Variants in ASAP2 observed in about 807,000 individuals in gnomAD.
The protein encoded by ASAP2 is arf-GAP with SH3 domain, ANK repeat and PH domain-containing protein 2.
Under a neutral mutation model 131.4 loss-of-function variants are expected in ASAP2, and 45 were observed. The ratio of observed to expected loss-of-function variants is 0.34; its 90% confidence interval spans 0.27 to 0.44. The LOEUF (loss-of-function observed/expected upper bound fraction) is 0.44, where lower values mean the gene tolerates loss of function less well. ASAP2 is among the 20% of genes least tolerant of loss of function. The pLI is 1.00. For synonymous variants in ASAP2, 510 were observed against 503.0 expected, an observed-to-expected ratio of 1.01 and a Z score of -0.19; for missense variants, 1,011 against 1,297.0, an observed-to-expected ratio of 0.78 and a Z score of 3.39.
Position 9,401,302 on chromosome 2 carries a change from C to T in ASAP2, c.2852C>T (p.Ala951Val). The T allele has an allele frequency of 1.2e-6, 2 of 1,613,542 alleles. No homozygotes were observed. The highest frequency in any genetic ancestry group is 1.7e-6 in the Non-Finnish European group (2 of 1,179,916). ...ATKLKPKRVK[A>V]LYNCVADNPD... ...AAGTTGAAGCCTAAGCGGGTGAAAG[C>T]GCTCTATAACTGTGTGGCTGACAAC... Residue 951 changes from alanine to valine, a missense_variant, in exon 27 of 28, where the codon GCG (alanine) becomes GTG (valine). Ala to Val is a moderately conservative substitution (Grantham distance 64, BLOSUM62 0). This residue lies in a region of ASAP2 where 652 missense variants were observed against 698.9 expected (regional missense o/e 0.93). Coordinates refer to ENST00000281419, the MANE Select transcript of ASAP2 (RefSeq NM_003887.3).
chr2:9,361,268 G>C (rs559843672), intron 15 of ASAP2, among the ~76,000 whole-genome samples: 15 of 152,284 alleles, frequency 9.9e-5, no homozygotes, highest in Admixed American at 7.8e-4. Flanking sequence ...AGGAAAAGTA[G>C]AGACAGCAGT....
At chr2:9,386,838 A>G (rs1304733429) in intron 21 of ASAP2, among the ~76,000 whole-genome samples, 1 of 152,214 alleles carries the variant, frequency 6.6e-6, no homozygotes, top group Admixed American at 6.5e-5. Flanking sequence ...ACCTAGTTTA[A>G]TGAAGCTGGC....
chr2:9,280,338 CA>C (rs1479390491), intron 2 of ASAP2, among the ~76,000 whole-genome samples: 1 of 152,122 alleles, frequency 6.6e-6, no homozygotes, highest in African/African-American at 2.4e-5. Context: ...TGGAAGTACA[CA>C]TTCCACCTGC....
chr2:9,308,609 A>T (rs550175384), intron 3 of ASAP2, among the ~76,000 whole-genome samples: 1 of 152,200 alleles, frequency 6.6e-6, no homozygotes, highest in South Asian at 2.1e-4. Context: ...GCCCAGCCTC[A>T]GCTTAGCTTA....
chr2:9,384,996 A>G (rs1321533293), intron 20 of ASAP2, among the ~76,000 whole-genome samples: 1 of 152,234 alleles, frequency 6.6e-6, no homozygotes, highest in Non-Finnish European at 1.5e-5. Flanking sequence ...GGGATTTGAG[A>G]GTTACGAGCC....
At chr2:9,338,661 G>A (rs1558344798) in intron 9 of ASAP2, among the ~76,000 whole-genome samples, 1 of 152,144 alleles carries the variant, frequency 6.6e-6, no homozygotes, top group Non-Finnish European at 1.5e-5. Context: ...CCCTAAGCCA[G>A]CACTCCACAA....
intron 1 of ASAP2, among the ~76,000 whole-genome samples, chr2:9,269,798 C>T (rs1666214230): frequency 6.6e-6 from 1 of 152,216 alleles, no homozygotes; most frequent in Non-Finnish European, 1.5e-5. Context: ...TGTGGCTACC[C>T]TGTTGGACAG....
chr2:9,245,432 G>GGT (rs1005521226), intron 1 of ASAP2, among the ~76,000 whole-genome samples: 2 of 152,086 alleles, frequency 1.3e-5, no homozygotes, highest in African/African-American at 4.8e-5. Context: ...AGGTGTGGAG[G>GGT]GTTCTATAAA....
At chr2:9,377,736 T>C (rs1466897344) in intron 18 of ASAP2, among the ~76,000 whole-genome samples, 1 of 152,152 alleles carries the variant, frequency 6.6e-6, no homozygotes, top group Non-Finnish European at 1.5e-5. Flanking sequence ...AGCCATGGGA[T>C]AGTTTGCATT....
At chr2:9,310,450 C>T (rs1442490928) in intron 3 of ASAP2, among the ~76,000 whole-genome samples, 1 of 152,188 alleles carries the variant, frequency 6.6e-6, no homozygotes, top group East Asian at 1.9e-4. Context: ...TTTTCTAGAC[C>T]TTTGAGGCTA....
intron 10 of ASAP2, 35 bp downstream of exon 10, chr2:9,344,670 C>A (rs747290099): frequency 1.2e-6 from 2 of 1,611,838 alleles, no homozygotes; most frequent in Middle Eastern, 1.7e-4. Context: ...TTTAAATGTA[C>A]GTTCGTTATC....
chr2:9,338,309 G>A (rs148838550), intron 9 of ASAP2, among the ~76,000 whole-genome samples: 3 of 151,454 alleles, frequency 2.0e-5, no homozygotes, highest in Non-Finnish European at 4.4e-5. Flanking sequence ...CTCTCTCTCT[G>A]TCTGTCTGTG....
At chr2:9,341,192 T>C (rs559366003) in intron 9 of ASAP2, among the ~76,000 whole-genome samples, 3 of 152,280 alleles carry the variant, frequency 2.0e-5, no homozygotes, top group African/African-American at 7.2e-5. Flanking sequence ...ACCTTGGTCA[T>C]GTGAAAGGGC....
chr2:9,307,960 A>G (rs1281640582), intron 3 of ASAP2, among the ~76,000 whole-genome samples: 1 of 152,142 alleles, frequency 6.6e-6, no homozygotes, highest in East Asian at 1.9e-4. Flanking sequence ...GTGTGCATGC[A>G]TATGTGTACG....
At chr2:9,254,236 A>AAATATATATATATATATATAT (rs1553297024) in intron 1 of ASAP2, among the ~76,000 whole-genome samples, 1 of 47,110 alleles carries the variant, frequency 2.1e-5, no homozygotes, top group Non-Finnish European at 3.4e-5. Flanking sequence ...AAAAAAAAAA[A>AAATATATATATATATATATAT]ATATATATAT....
In ASAP2 at chr2:9,405,535, C is replaced by CACA. The variant is rs1228480384; in HGVS notation, c.*2211_*2213dup. 1 of 152,580 alleles carries CACA rather than the reference C, an allele frequency of 6.6e-6. No homozygotes were observed. The highest frequency in any genetic ancestry group is 1.5e-5 in the Non-Finnish European group (1 of 68,036). 9.5% of individuals were successfully genotyped at this position (152,580 alleles called of 1,614,324 possible). On this transcript the variant is annotated 3_prime_UTR_variant, in exon 28 of 28. Transcript: ENST00000281419. ...ATTCACCTGATTACTTTGGTTGCAGCACAACTGTATATATTGTATAACCGA... is the reference window on the plus strand; with the variant it reads ...ATTCACCTGATTACTTTGGTTGCAGCACAACAACTGTATATATTGTATAACCGA...
At chr2:9,294,590 G>A (rs920645062) in intron 2 of ASAP2, among the ~76,000 whole-genome samples, 7 of 152,154 alleles carry the variant, frequency 4.6e-5, no homozygotes, top group African/African-American at 1.4e-4. Flanking sequence ...GATAATAATA[G>A]CCAACTCTTA....
chr2:9,288,553 C>T (rs1667609089), intron 2 of ASAP2, among the ~76,000 whole-genome samples: 1 of 152,100 alleles, frequency 6.6e-6, no homozygotes, highest in South Asian at 2.1e-4. Context: ...AAATGAAGGG[C>T]TGAAAGCTGC....
chr2:9,207,062 C>A lies in ASAP2; in HGVS notation c.-43C>A. On this transcript the variant is annotated 5_prime_UTR_variant, in exon 1 of 28. Coordinates refer to ENST00000281419, the MANE Select transcript of ASAP2 (RefSeq NM_003887.3). This position sits in a 1 kb window ranked among gnomAD's most constrained non-coding sequence, Gnocchi z 4.1. Reference sequence around the variant, plus strand: ...GAGCCTGCTGCGGCAGTTGAGGCGGCGGCGCCCCTGCGGCTGTGCGCCAGC... The same window carrying A: ...GAGCCTGCTGCGGCAGTTGAGGCGGAGGCGCCCCTGCGGCTGTGCGCCAGC... The A allele has an allele frequency of 6.9e-7, 1 of 1,454,458 alleles. No homozygotes were observed. The highest frequency in any genetic ancestry group is 2.0e-4 in the Middle Eastern group (1 of 5,054). The allele number at this position is 1,454,458 out of a possible 1,614,324, so 90.1% of individuals were successfully genotyped here.
Sources: gnomAD v4.1 joint callset for allele counts (sites outside exome capture counted in the v4.1 genomes callset) on GRCh38, gnomAD v4.1.1 for gene constraint, gnomAD v4.1.1 regional missense constraint, Gnocchi (gnomAD v3.1) non-coding constraint, MANE v1.5 for transcripts, NCBI Gene and HGNC (gene_info 2026-07-23, HGNC 2026-07-21) for gene names.